The following HPSE2 variants were observed in gnomAD, a reference collection of about 807,000 sequenced individuals.
The protein encoded by HPSE2 is inactive heparanase-2.
HPSE2 carries 38 observed loss-of-function variants against 60.5 expected under a neutral mutation model. The ratio of observed to expected loss-of-function variants is 0.63; its 90% CI spans 0.48 to 0.82. The LOEUF (loss-of-function observed/expected upper bound fraction) is 0.82, where lower values mean the gene tolerates loss of function less well. Ranked by LOEUF, HPSE2 falls within the 40% of genes least tolerant of loss-of-function variation. The pLI is 0.00. For missense variants in HPSE2, 713 were observed against 740.4 expected (o/e 0.96, Z 0.43); for synonymous variants, 295 against 293.2 (o/e 1.01, Z -0.06).
intron 2 of HPSE2, among the ~76,000 whole-genome samples, chr10:99,168,553 T>C (rs151152347): frequency 6.6e-6 from 1 of 152,200 alleles, no homozygotes; most frequent in Non-Finnish European, 1.5e-5. Context: ...ACTTTACCTT[T>C]CTTATTTGTA....
intron 9 of HPSE2, among the ~76,000 whole-genome samples, chr10:98,491,065 C>A (rs1440039072): frequency 6.6e-6 from 1 of 152,158 alleles, no homozygotes; most frequent in Non-Finnish European, 1.5e-5. Context: ...AACAGGGCTT[C>A]CTAATAACAT....
At chr10:98,691,948 A>G (rs536036960) in intron 6 of HPSE2, among the ~76,000 whole-genome samples, 78 of 152,314 alleles carry the variant, frequency 5.1e-4, no homozygotes, top group African/African-American at 1.7e-3. Context: ...TGCCTAATAA[A>G]CTATTGTCTA....
intron 3 of HPSE2, among the ~76,000 whole-genome samples, chr10:99,016,293 CT>C (rs1278199885): frequency 6.6e-6 from 1 of 152,086 alleles, no homozygotes; most frequent in Non-Finnish European, 1.5e-5. Context: ...ATAGGGAATC[CT>C]TTCCCCATTG....
At chr10:98,857,372 G>A (rs1241607982) in intron 3 of HPSE2, among the ~76,000 whole-genome samples, 2 of 152,116 alleles carry the variant, frequency 1.3e-5, no homozygotes, top group Non-Finnish European at 1.5e-5. Flanking sequence ...CTAGATGATG[G>A]CTCACTATAA....
At chr10:99,153,231 G>A (rs1429409250) in intron 2 of HPSE2, among the ~76,000 whole-genome samples, 1 of 152,142 alleles carries the variant, frequency 6.6e-6, no homozygotes, top group Non-Finnish European at 1.5e-5. Flanking sequence ...CTGGAAGCTC[G>A]AACTGGGTGG....
chr10:99,132,169 G>GA (rs1187091243), intron 3 of HPSE2, among the ~76,000 whole-genome samples: 1,082 of 7,986 alleles, frequency 0.14, 91 homozygotes, highest in East Asian at 0.48. Flanking sequence ...AAGAAAGAAA[G>GA]AAAGAAAGAA....
At chr10:99,001,223 A>G (rs1054210742) in intron 3 of HPSE2, among the ~76,000 whole-genome samples, 7 of 152,142 alleles carry the variant, frequency 4.6e-5, no homozygotes, top group Non-Finnish European at 7.4e-5. Context: ...GTTTACACTT[A>G]TTAAACCACT....
At chr10:98,609,463 C>T (rs1945687480) in intron 9 of HPSE2, among the ~76,000 whole-genome samples, 1 of 152,034 alleles carries the variant, frequency 6.6e-6, no homozygotes, top group Admixed American at 6.6e-5. Context: ...ATCTTAAAAG[C>T]AATAATGCTG....
chr10:99,213,658 T>A (rs1170705668), intron 2 of HPSE2, among the ~76,000 whole-genome samples: 3 of 151,142 alleles, frequency 2.0e-5, no homozygotes, highest in East Asian at 3.9e-4. Flanking sequence ...AAAAAAAAAA[T>A]TCAAATGAGG....
intron 4 of HPSE2, among the ~76,000 whole-genome samples, chr10:98,737,868 A>C (rs959542536): frequency 3.9e-5 from 6 of 152,350 alleles, no homozygotes; most frequent in African/African-American, 1.4e-4. Flanking sequence ...CATGAATAGG[A>C]AGAATCAATA....
chr10:98,983,778 C>T (rs772697471), intron 3 of HPSE2, among the ~76,000 whole-genome samples: 3 of 152,310 alleles, frequency 2.0e-5, no homozygotes, highest in African/African-American at 4.8e-5. Context: ...CCTGGAAAAT[C>T]GGGTCACTCC....
intron 3 of HPSE2, among the ~76,000 whole-genome samples, chr10:99,118,048 A>T (rs1844778863): frequency 6.6e-6 from 1 of 152,234 alleles, no homozygotes; most frequent in South Asian, 2.1e-4. Context: ...ATCACAATCA[A>T]GTAAGCTTTA....
intron 5 of HPSE2, among the ~76,000 whole-genome samples, chr10:98,694,251 T>G (rs1005782340): frequency 1.3e-5 from 2 of 152,200 alleles, no homozygotes; most frequent in African/African-American, 4.8e-5. Context: ...CACATCAATT[T>G]CCTCATAACC....
chr10:99,179,790 G>C (rs1847685052), intron 2 of HPSE2, among the ~76,000 whole-genome samples: 1 of 150,748 alleles, frequency 6.6e-6, no homozygotes, highest in Non-Finnish European at 1.5e-5. Context: ...CCAAAAAGGA[G>C]CCCACATAGC....
At chr10:98,686,249 G>C (rs1268513072) in intron 6 of HPSE2, among the ~76,000 whole-genome samples, 1 of 149,998 alleles carries the variant, frequency 6.7e-6, no homozygotes, top group East Asian at 1.9e-4. Context: ...ATCATTGCTT[G>C]TAAGTGTTTC....
chr10:98,728,366 C>T (rs923627094), intron 4 of HPSE2, among the ~76,000 whole-genome samples: 8 of 152,116 alleles, frequency 5.3e-5, no homozygotes, highest in Non-Finnish European at 1.2e-4. Context: ...AGCTGTAATC[C>T]TAGCACTTTG....
chr10:98,985,736 T>G (rs1217311342), intron 3 of HPSE2, among the ~76,000 whole-genome samples: 1 of 152,112 alleles, frequency 6.6e-6, no homozygotes, highest in East Asian at 1.9e-4. Flanking sequence ...TGTGCTATAT[T>G]CAGGAAACCC....
At chr10:98,571,228 G>A (rs1275333858) in intron 9 of HPSE2, among the ~76,000 whole-genome samples, 1 of 152,144 alleles carries the variant, frequency 6.6e-6, no homozygotes, top group African/African-American at 2.4e-5. Flanking sequence ...GGACCTGCCA[G>A]GCATGTAGCT....
intron 3 of HPSE2, among the ~76,000 whole-genome samples, chr10:98,871,199 A>G (rs1377964015): frequency 6.6e-6 from 1 of 152,124 alleles, no homozygotes; most frequent in African/African-American, 2.4e-5. Flanking sequence ...CCTAATATAG[A>G]TGCTCAATAA....
Sources: gnomAD v4.1 joint callset for allele counts (sites outside exome capture counted in the v4.1 genomes callset) on GRCh38, gnomAD v4.1.1 for gene constraint, MANE v1.5 for transcripts, NCBI Gene and HGNC (gene_info 2026-07-23, HGNC 2026-07-21) for gene names.